Variants in FRMPD4 observed in about 807,000 individuals in gnomAD.
FRMPD4 encodes FERM and PDZ domain containing 4, also known as FERM and PDZ domain-containing protein 4.
Under a neutral mutation model 94.1 loss-of-function variants are expected in FRMPD4, and 22 were observed. The observed-to-expected ratio is 0.23, with a 90% CI of 0.17 to 0.33. The LOEUF (loss-of-function observed/expected upper bound fraction) is 0.33. Ranked by LOEUF, FRMPD4 falls within the 10% of genes least tolerant of loss-of-function variation. The pLI is 1.00. For missense variants in FRMPD4, 1,111 were observed against 1,339.9 expected, an observed-to-expected ratio of 0.83 and a Z score of 2.67; for synonymous variants, 631 against 548.6, an observed-to-expected ratio of 1.15 and a Z score of -2.10.
intron 3 of FRMPD4, among the ~76,000 whole-genome samples, chrX:12,050,156 C>T (rs898170782): frequency 9.0e-6 from 1 of 111,445 alleles, no homozygotes. Flanking sequence ...CAGTAGTGTA[C>T]AGTAATGTCC....
At chrX:12,315,698 G>T (rs1601810575) in intron 1 of FRMPD4, among the ~76,000 whole-genome samples, 1 of 112,511 alleles carries the variant, frequency 8.9e-6, no homozygotes, top group East Asian at 2.8e-4. Context: ...ATGAGAATGA[G>T]AACTATGCAG....
chrX:11,959,001 AC>A (rs1380095636), intron 3 of FRMPD4, among the ~76,000 whole-genome samples: 1 of 112,310 alleles, frequency 8.9e-6, no homozygotes. Flanking sequence ...GCCAAAAAAA[AC>A]CCTACCAAAA....
intron 1 of FRMPD4, among the ~76,000 whole-genome samples, chrX:12,141,742 T>G (rs2055695307): frequency 8.9e-6 from 1 of 111,985 alleles, no homozygotes; most frequent in Admixed American, 9.5e-5. Context: ...AATTTTCTGG[T>G]TCTTAAACTG....
At chrX:12,381,389 A>G (rs1379380018) in intron 1 of FRMPD4, among the ~76,000 whole-genome samples, 1 of 112,324 alleles carries the variant, frequency 8.9e-6, no homozygotes, top group East Asian at 2.8e-4. Flanking sequence ...TGCTTCCTTC[A>G]GTGTTTCAAC....
chrX:12,386,612 G>A (rs777946863), intron 1 of FRMPD4, among the ~76,000 whole-genome samples: 44 of 111,635 alleles, frequency 3.9e-4, no homozygotes, highest in African/African-American at 6.5e-4. Flanking sequence ...TTGTTTTACC[G>A]TAGCCGACTT....
intron 4 of FRMPD4, among the ~76,000 whole-genome samples, chrX:12,650,484 C>T (rs1293632448): frequency 8.9e-6 from 1 of 112,073 alleles, no homozygotes; most frequent in Non-Finnish European, 1.9e-5. Context: ...TTCCAACGGT[C>T]TTTAAAGTTG....
intron 1 of FRMPD4, among the ~76,000 whole-genome samples, chrX:12,406,148 T>C (rs2056664155): frequency 1.8e-5 from 2 of 110,546 alleles, no homozygotes; most frequent in African/African-American, 3.3e-5. Flanking sequence ...CAGGGACATG[T>C]TGAACATCCT....
At chrX:12,616,222 G>A (rs767935648) in intron 4 of FRMPD4, among the ~76,000 whole-genome samples, 3 of 111,079 alleles carry the variant, frequency 2.7e-5, no homozygotes, top group Non-Finnish European at 5.7e-5. Context: ...CATCGTGAAT[G>A]GGATTAGTAT....
intron 3 of FRMPD4, among the ~76,000 whole-genome samples, chrX:12,029,568 C>T (rs1526796): frequency 0.055 from 6,154 of 111,625 alleles, 437 homozygotes; most frequent in African/African-American, 0.19. Context: ...GATTTTCTCC[C>T]ATGTTATCTT....
intron 3 of FRMPD4, among the ~76,000 whole-genome samples, chrX:12,109,337 A>G (rs757475289): frequency 1.9e-3 from 217 of 112,222 alleles, no homozygotes; most frequent in Non-Finnish European, 2.9e-3. Flanking sequence ...GGTACATAAC[A>G]AAATGAAGGC....
At chrX:11,854,995 A>G (rs905453958) in intron 1 of FRMPD4, among the ~76,000 whole-genome samples, 4 of 112,026 alleles carry the variant, frequency 3.6e-5, no homozygotes, top group African/African-American at 1.3e-4. Flanking sequence ...CCCCTGCAGC[A>G]TACTTCTGCT....
In FRMPD4 at chrX:11,974,513, A is replaced by G. The variant is rs2054357283; in HGVS notation, c.95+96495A>G. ...AACCTCTTTTCTTTATAAATTACCC[A>G]GCCTCAGCTATTCCTTTATGGTAAC... On this transcript the variant is annotated intron_variant, in intron 3 of 18. Transcript: ENST00000640291. Among the ~76,000 whole-genome samples the G allele has an allele frequency of 2.7e-5, 3 of 111,944 alleles. No individual in the cohort carries two copies. In the Admixed American group the frequency reaches 2.8e-4, roughly 11 times the overall value.
intron 1 of FRMPD4, among the ~76,000 whole-genome samples, chrX:12,391,015 G>A (rs1370754991): frequency 8.9e-6 from 1 of 112,069 alleles, no homozygotes; most frequent in Non-Finnish European, 1.9e-5. Context: ...GACATAGAAG[G>A]CCTTTAAAAG....
At chrX:11,991,029 A>G (rs1345804670) in intron 3 of FRMPD4, among the ~76,000 whole-genome samples, 3 of 112,121 alleles carry the variant, frequency 2.7e-5, no homozygotes, top group Non-Finnish European at 5.6e-5. Flanking sequence ...TCTAGGGGTT[A>G]TCTGTAGTTC....
chrX:12,461,561 C>T (rs1009484558), intron 1 of FRMPD4, among the ~76,000 whole-genome samples: 2 of 112,062 alleles, frequency 1.8e-5, no homozygotes, highest in African/African-American at 6.5e-5. Flanking sequence ...TCGTAATTTG[C>T]ATGGAGCACT....
rs149020914 is a variant in FRMPD4, at chrX:12,378,338, A to G, written c.42-120342A>G. Among the ~76,000 whole-genome samples the G allele has an allele frequency of 5.1e-4, 57 of 112,650 alleles. No individual in the cohort carries two copies. The East Asian group carries it at 0.014, about 29-fold the overall frequency. ...GCGAGCCTGTAGAGAGCTTTTCGCA[A>G]TGTGCTTTTTCAATTAGTTTTAACG... On this transcript the variant is annotated intron_variant, in intron 1 of 16. Transcript: ENST00000675598.
chrX:12,718,682 T>G lies in FRMPD4; in HGVS notation c.3856T>G (p.Cys1286Gly), dbSNP rs754062489. ...KELHPQTEGM[C>G]PRMTVPALHT... ...ACTGCACCCACAGACAGAAGGGATG[T>G]GTCCACGGATGACAGTGCCTGCTCT... Residue 1286 changes from cysteine to glycine, a missense_variant, in exon 16 of 17, where the codon TGT becomes GGT. By Grantham distance (159) the Cys-to-Gly change is radical. Around this residue, in one of 8 missense-constraint regions of FRMPD4, gnomAD observed 551 missense variants for 591.6 expected, o/e 0.93. Coordinates refer to ENST00000675598, the MANE Select transcript of FRMPD4 (RefSeq NM_001368397.1). 3 of 1,207,872 alleles carry G rather than the reference T, an allele frequency of 2.5e-6. No individual in the cohort carries two copies. The Admixed American group carries it at 6.5e-5, about 26-fold the overall frequency.
chrX:12,484,247 CT>C (rs1428000651), intron 1 of FRMPD4, among the ~76,000 whole-genome samples: 2 of 111,931 alleles, frequency 1.8e-5, no homozygotes, highest in African/African-American at 3.3e-5. Context: ...CCTCTTTTTC[CT>C]GCTGGGTCTT....
At chrX:11,896,219 A>G (rs1298782963) in intron 3 of FRMPD4, among the ~76,000 whole-genome samples, 3 of 112,087 alleles carry the variant, frequency 2.7e-5, no homozygotes, top group Non-Finnish European at 5.6e-5. Flanking sequence ...AATAATTCAA[A>G]CTCAACCACA....
Sources: gnomAD v4.1 joint callset for allele counts (sites outside exome capture counted in the v4.1 genomes callset) on GRCh38, gnomAD v4.1.1 for gene constraint, gnomAD v4.1.1 regional missense constraint, MANE v1.5 for transcripts, NCBI Gene and HGNC (gene_info 2026-07-23, HGNC 2026-07-21) for gene names.